Variants in JAKMIP2 observed in about 807,000 individuals in gnomAD.
JAKMIP2 encodes the protein janus kinase and microtubule interacting protein 2.
In JAKMIP2, 25 loss-of-function variants were observed where a neutral mutation model predicts 115.0. The observed-to-expected ratio is 0.22, with a 90% CI of 0.16 to 0.30. JAKMIP2 has a LOEUF of 0.30. Ranked by LOEUF, JAKMIP2 falls within the 10% of genes least tolerant of loss-of-function variation. JAKMIP2 has a pLI of 1.00. For missense variants in JAKMIP2, 642 were observed against 957.6 expected (o/e 0.67, Z 4.35); for synonymous variants, 334 against 343.6 (o/e 0.97, Z 0.31).
At position 147,661,236 on chromosome 5, in the gene JAKMIP2, C is replaced by A; in HGVS notation, c.339G>T (p.Arg113Ser). 8 of 1,613,950 alleles carry A rather than the reference C, an allele frequency of 5.0e-6. No homozygotes were observed. Among genetic ancestry groups the A allele is most frequent in the Non-Finnish European group, 5.9e-6 (7 of 1,179,994 alleles). Residue 113 changes from arginine to serine, a missense_variant, in exon 3 of 22, where the codon AGG (arginine) becomes AGT (serine). Arg to Ser is a moderately radical substitution (Grantham distance 110). Coordinates refer to ENST00000616793, the MANE Select transcript of JAKMIP2 (RefSeq NM_001270941.2). The part of the protein sequence containing the change: ...TVKVRDGEIQ[R>S]LKSALCALRD... ...GGAGAGCACAGAGAGCAGACTTGAG[C>A]CTCTGGATCTCTCCATCACGTACCT...
At chr5:147,652,502 T>A (rs950422954) in intron 3 of JAKMIP2, among the ~76,000 whole-genome samples, 31 of 152,146 alleles carry the variant, frequency 2.0e-4, no homozygotes, top group Non-Finnish European at 8.8e-5. Flanking sequence ...GGAAATTTTC[T>A]AGACAGAACA....
Position 147,641,761 on chromosome 5 carries a change from G to A in JAKMIP2, c.1228C>T (p.Arg410Ter). 6.2e-7 allele frequency: 1 copy of A among 1,612,214 alleles called. No individual in the cohort carries two copies. The change falls in exon 8 of 22, where the codon CGA becomes TGA. Residue 410 changes from arginine (R) to a stop codon, truncating the protein, a stop_gained. Transcript: ENST00000616793. LOFTEE classifies it high-confidence loss of function. ...TTTCTTCTACGGATGAGCTTTTCTCGGTCCTGGAAAACAGATGAAAGATTT... is the reference window on the plus strand; with the variant it reads ...TTTCTTCTACGGATGAGCTTTTCTCAGTCCTGGAAAACAGATGAAAGATTT... ...QNIIDELTRD[R>*]EKLIRRRKHR...
chr5:147,761,743 A>C (rs1463243421), intron 1 of JAKMIP2, among the ~76,000 whole-genome samples: 1 of 152,086 alleles, frequency 6.6e-6, no homozygotes, highest in African/African-American at 2.4e-5. Flanking sequence ...TAAAAATGTT[A>C]CATGTTTCAT....
chr5:147,622,996 C>T (rs887471069), intron 17 of JAKMIP2, among the ~76,000 whole-genome samples: 1 of 152,274 alleles, frequency 6.6e-6, no homozygotes. Context: ...AAATAGCTCA[C>T]TGTAGCCTCC....
intron 21 of JAKMIP2, chr5:147,594,599 G>A (rs1755265373): frequency 4.3e-5 from 13 of 304,824 alleles, no homozygotes; most frequent in South Asian, 3.2e-4. Flanking sequence ...CTCTCAAAAT[G>A]CTGTGATTAC....
At chr5:147,697,233 C>A (rs933974706) in intron 1 of JAKMIP2, among the ~76,000 whole-genome samples, 1 of 152,002 alleles carries the variant, frequency 6.6e-6, no homozygotes. Context: ...TACATGGTGG[C>A]AGCAAGAGAA....
chr5:147,759,120 G>C (rs1394745545), intron 1 of JAKMIP2, among the ~76,000 whole-genome samples: 1 of 151,982 alleles, frequency 6.6e-6, no homozygotes. Context: ...AAATAATTAA[G>C]AGGAAGAGTA....
intron 21 of JAKMIP2, among the ~76,000 whole-genome samples, chr5:147,597,706 T>A (rs1192295471): frequency 5.3e-5 from 8 of 152,226 alleles, no homozygotes; most frequent in Non-Finnish European, 1.0e-4. Context: ...TTTTTTTCTT[T>A]CCTTTGTCTC....
At position 147,644,904 on chromosome 5, in the gene JAKMIP2, G is replaced by C. The variant is rs1228145591; in HGVS notation, c.1029C>G (p.Ser343=). 1.9e-6 allele frequency: 3 copies of C among 1,613,800 alleles called. No individual in the cohort carries two copies. Among genetic ancestry groups the C allele is most frequent in the Non-Finnish European group, 2.5e-6 (3 of 1,179,818 alleles). Residue 343 remains serine (S), a synonymous_variant, in exon 6 of 22, where the codon TCC becomes TCG. Coordinates refer to ENST00000616793, the MANE Select transcript of JAKMIP2 (RefSeq NM_001270941.2). ...LAKRNDELMV[S]LQRMEEKLKA... is the part of the protein sequence containing the mutation. ...TTAGTTTTTCTTCCATGCGCTGCAA[G>C]GACACCATCAGTTCATCGTTTCTCT...
intron 12 of JAKMIP2, among the ~76,000 whole-genome samples, chr5:147,633,878 C>T (rs1757484522): frequency 6.6e-6 from 1 of 152,000 alleles, no homozygotes; most frequent in Non-Finnish European, 1.5e-5. Context: ...TTAGTAGAGA[C>T]AGGGTTTCAC....
At chr5:147,646,233 C>T (rs995871046) in intron 5 of JAKMIP2, among the ~76,000 whole-genome samples, 2 of 152,050 alleles carry the variant, frequency 1.3e-5, no homozygotes, top group Non-Finnish European at 2.9e-5. Context: ...ATCTCAATTT[C>T]GTATTAAAGA....
intron 1 of JAKMIP2, among the ~76,000 whole-genome samples, chr5:147,700,415 G>C (rs1014457692): frequency 6.6e-6 from 1 of 151,894 alleles, no homozygotes; most frequent in Non-Finnish European, 1.5e-5. Context: ...TTATTCAATA[G>C]TAGGAACAAA....
At chr5:147,692,011 T>C (rs1022718400) in intron 1 of JAKMIP2, among the ~76,000 whole-genome samples, 1 of 152,162 alleles carries the variant, frequency 6.6e-6, no homozygotes, top group African/African-American at 2.4e-5. Flanking sequence ...CCAGTGTCAT[T>C]GACTCAAGGA....
chr5:147,704,758 A>G (rs1198549536), intron 1 of JAKMIP2, among the ~76,000 whole-genome samples: 2 of 152,174 alleles, frequency 1.3e-5, no homozygotes, highest in Non-Finnish European at 2.9e-5. Context: ...GGCTGTCAAT[A>G]ATCATTTCTA....
At chr5:147,621,635 G>A (rs1336965566) in intron 17 of JAKMIP2, among the ~76,000 whole-genome samples, 1 of 152,156 alleles carries the variant, frequency 6.6e-6, no homozygotes, top group Non-Finnish European at 1.5e-5. Context: ...CATTTGGAAA[G>A]CTTTCTTGGC....
chr5:147,759,547 A>C (rs1251696730), intron 1 of JAKMIP2, among the ~76,000 whole-genome samples: 1 of 152,090 alleles, frequency 6.6e-6, no homozygotes, highest in African/African-American at 2.4e-5. Flanking sequence ...AATACCAATC[A>C]ATGATAAGTG....
chr5:147,764,411 G>A (rs1755037563), intron 1 of JAKMIP2, among the ~76,000 whole-genome samples: 1 of 141,212 alleles, frequency 7.1e-6, no homozygotes, highest in Non-Finnish European at 1.5e-5. Context: ...TCGTCTAAAT[G>A]TTGGGTCATA....
At chr5:147,613,377 A>G (rs1172326562) in intron 19 of JAKMIP2, among the ~76,000 whole-genome samples, 2 of 152,102 alleles carry the variant, frequency 1.3e-5, no homozygotes, top group African/African-American at 2.4e-5. Flanking sequence ...TTATAATGCA[A>G]TGGTAGGAGA....
Position 147,644,984 on chromosome 5 carries a change from G to C in JAKMIP2, c.949C>G (p.Arg317Gly), listed in dbSNP as rs192957540. Residue 317 changes from arginine to glycine, a missense_variant, in exon 6 of 22, where the codon CGG (arginine) becomes GGG (glycine). Coordinates refer to ENST00000616793, the MANE Select transcript of JAKMIP2 (RefSeq NM_001270941.2). ...DERNELLKRV[R>G]ETEKQCKPLL... ...GGTTTACATTGCTTTTCGGTTTCCC[G>C]CACACGTTTTAACTGGGAAGAAATA... is the stretch of plus-strand genomic sequence containing the variant. 567 of 1,612,176 alleles carry C rather than the reference G, an allele frequency of 3.5e-4. 5 individuals are homozygous for C. Among genetic ancestry groups the C allele is most frequent in the Non-Finnish European group, 1.2e-5 (14 of 1,179,664 alleles).
Sources: allele counts gnomAD v4.1 joint callset (sites outside exome capture counted in the v4.1 genomes callset), GRCh38; gene constraint gnomAD v4.1.1; transcripts MANE v1.5; gene names NCBI Gene and HGNC (gene_info 2026-07-23, HGNC 2026-07-21).